AIF1L: variants seen among roughly 807,000 people sequenced by gnomAD.
The protein encoded by AIF1L is allograft inflammatory factor 1-like.
Under a neutral mutation model 20.7 loss-of-function variants are expected in AIF1L, and 12 were observed. That is an observed-to-expected ratio of 0.58 (90% CI 0.37 to 0.94). The LOEUF is 0.94. Ranked by LOEUF, AIF1L falls within the 40% of genes least tolerant of loss-of-function variation. AIF1L has a pLI of 0.01. For synonymous variants in AIF1L, 76 were observed against 65.1 expected (o/e 1.17, Z -0.81); for missense variants, 173 against 185.3 (o/e 0.93, Z 0.39).
intron 2 of AIF1L, among the ~76,000 whole-genome samples, chr9:131,103,658 A>T (rs1830684143): frequency 6.6e-6 from 1 of 152,168 alleles, no homozygotes; most frequent in Non-Finnish European, 1.5e-5. Flanking sequence ...AACAAAACAA[A>T]CAAACAAAAA....
rs1588185155 is a variant in AIF1L, at chr9:131,111,392, G to A, written c.94-205G>A. ...AGTGAACCCTCTGGGGCCTCCCCAA[G>A]CTGCTGGGCAAACTTCCTACCCACA... On this transcript the variant is annotated intron_variant, in intron 2 of 5. Coordinates refer to ENST00000247291, the MANE Select transcript of AIF1L (RefSeq NM_031426.4). The A allele has an allele frequency of 3.8e-5, 22 of 581,458 alleles. No individual in the cohort carries two copies. In the East Asian group the frequency reaches 6.2e-4, roughly 17 times the overall value. The allele number at this position is 581,458 out of a possible 1,614,324, so 36.0% of individuals were successfully genotyped here. A position where few individuals can be genotyped will look rare whatever the true frequency, so the allele number is the denominator to read the frequency against.
At chr9:131,105,836 T>TGC (rs1491029471) in intron 2 of AIF1L, among the ~76,000 whole-genome samples, 18 of 724 alleles carry the variant, frequency 0.025, no homozygotes, top group Non-Finnish European at 0.16. Flanking sequence ...TGTTGTTGCT[T>TGC]TTTTTTTTTT....
chr9:131,111,458 G>A, intron 2 of AIF1L, 139 bp from the exon 3 acceptor site: 1 of 751,454 alleles, frequency 1.3e-6, no homozygotes. Flanking sequence ...GCGACAGGAA[G>A]CCGGGGTGAA....
Position 131,117,934 on chromosome 9 carries a change from C to G in AIF1L, c.365+16C>G, listed in dbSNP as rs905399625. On this transcript the variant is annotated intron_variant, in intron 5 of 5. Coordinates refer to ENST00000247291, the MANE Select transcript of AIF1L (RefSeq NM_031426.4). ...TCCTCAAGTTGTGAGTACCTCCTTC[C>G]TCCCTTGGGATCTCTGAAGGCAAAA... is the stretch of plus-strand genomic sequence containing the variant. 1.9e-6 allele frequency: 3 copies of G among 1,598,720 alleles called. No individual in the cohort carries two copies. Among genetic ancestry groups the G allele is most frequent in the African/African-American group, 1.3e-5 (1 of 74,660 alleles).
Position 131,120,522 on chromosome 9 carries a change from C to T in AIF1L, c.*200C>T. ...GTCGGGGAATCCTGAGCCTTGGGTC[C>T]CCTCCCTCTCTTCTTCCCTCCTTCC... is the stretch of plus-strand genomic sequence containing the variant. On this transcript the variant is annotated 3_prime_UTR_variant, in exon 6 of 6. Coordinates refer to ENST00000247291, the MANE Select transcript of AIF1L (RefSeq NM_031426.4). 7.7e-6 allele frequency: 4 copies of T among 518,216 alleles called. No homozygotes were observed. The highest frequency in any genetic ancestry group is 1.4e-5 in the Non-Finnish European group (4 of 292,942). The allele number at this position is 518,216 out of a possible 1,614,324, so 32.1% of individuals were successfully genotyped here. A position where few individuals can be genotyped will look rare whatever the true frequency, so the allele number is the denominator to read the frequency against.
chr9:131,096,571 C>T lies in AIF1L; in HGVS notation c.-59C>T, dbSNP rs1401381311. 3.4e-6 allele frequency: 5 copies of T among 1,481,008 alleles called. No homozygotes were observed. Among genetic ancestry groups the T allele is most frequent in the Non-Finnish European group, 4.4e-6 (5 of 1,123,852 alleles). 91.7% of individuals were successfully genotyped at this position (1,481,008 alleles called of 1,614,324 possible). On this transcript the variant is annotated 5_prime_UTR_variant, in exon 1 of 6. Coordinates refer to ENST00000247291, the MANE Select transcript of AIF1L (RefSeq NM_031426.4). ...GAGCCCGGACCAGGCGCCTGTGCCT[C>T]CTCCTCGTCCCTCGCCGCGTCCGCG... is the stretch of plus-strand genomic sequence containing the variant.
chr9:131,117,700 C>T (rs1002734258), intron 4 of AIF1L, 56 bp from the exon 5 acceptor site: 7 of 1,510,316 alleles, frequency 4.6e-6, no homozygotes, highest in Admixed American at 4.3e-5. Flanking sequence ...TCCCAGCTTC[C>T]CTGCTAAGCC....
intron 2 of AIF1L, among the ~76,000 whole-genome samples, chr9:131,106,940 A>G (rs1432541537): frequency 5.9e-5 from 9 of 152,028 alleles, no homozygotes; most frequent in African/African-American, 2.2e-4. Flanking sequence ...TACTAAAACA[A>G]AAATTAGCTG....
At chr9:131,096,968 CT>C in intron 2 of AIF1L, 105 bp downstream of exon 2, 1 of 1,271,382 alleles carries the variant, frequency 7.9e-7, no homozygotes, top group Non-Finnish European at 1.0e-6. Context: ...TACCCTCTTC[CT>C]TCCCTTCCCC....
rs1588178226 is a variant in AIF1L, at chr9:131,099,625, G to A, written c.93+2762G>A. Among the ~76,000 whole-genome samples, 3 of 152,348 alleles carry A rather than the reference G, an allele frequency of 2.0e-5. No homozygotes were observed. In the East Asian group the frequency reaches 5.8e-4, roughly 29 times the overall value. On this transcript the variant is annotated intron_variant, in intron 2 of 5. Transcript: ENST00000247291. ...CCTGGGGCACAGCCCAGCTTGGCTG[G>A]CAGATCTAGGGGCTTCTCTGGGCCG...
At chr9:131,106,831 C>T (rs1830762311) in intron 2 of AIF1L, among the ~76,000 whole-genome samples, 1 of 151,978 alleles carries the variant, frequency 6.6e-6, no homozygotes, top group Non-Finnish European at 1.5e-5. Context: ...TGTGGTGGCT[C>T]ACGCCTGTGA....
At chr9:131,114,380 T>G (rs1224366145) in intron 3 of AIF1L, 197 bp from the exon 4 acceptor site, 2 of 588,110 alleles carry the variant, frequency 3.4e-6, no homozygotes, top group Admixed American at 2.6e-5. Flanking sequence ...TCTAGGAGAG[T>G]AGTCCAGGCA....
intron 3 of AIF1L, 90 bp downstream of exon 3, chr9:131,111,753 A>T: frequency 4.6e-6 from 6 of 1,290,444 alleles, no homozygotes; most frequent in Non-Finnish European, 6.7e-6. Context: ...GCCCCACAGG[A>T]CTAGGCTGTG....
intron 3 of AIF1L, chr9:131,114,286 T>G (rs893646840): frequency 9.6e-6 from 4 of 416,436 alleles, no homozygotes; most frequent in African/African-American, 4.0e-5. Flanking sequence ...AGCTGGTCTG[T>G]GCTGCTGGGG....
intron 2 of AIF1L, among the ~76,000 whole-genome samples, chr9:131,104,311 T>C (rs567138066): frequency 3.2e-4 from 48 of 152,224 alleles, no homozygotes; most frequent in African/African-American, 7.0e-4. Flanking sequence ...GTGGGTTAGA[T>C]TGTGTGAGGA....
At chr9:131,119,374 G>A (rs946044723) in intron 5 of AIF1L, among the ~76,000 whole-genome samples, 3 of 152,090 alleles carry the variant, frequency 2.0e-5, no homozygotes, top group African/African-American at 7.2e-5. Context: ...TGTGGCTCAC[G>A]CCTGTAATCC....
At chr9:131,109,565 A>C (rs943255757) in intron 2 of AIF1L, among the ~76,000 whole-genome samples, 1 of 138,240 alleles carries the variant, frequency 7.2e-6, no homozygotes, top group Non-Finnish European at 1.7e-5. Context: ...GTCTCAAAAA[A>C]ACAAAAACAA....
chr9:131,115,961 C>T (rs184343708), intron 4 of AIF1L, among the ~76,000 whole-genome samples: 17 of 136,536 alleles, frequency 1.2e-4, no homozygotes, highest in Non-Finnish European at 1.7e-4. Flanking sequence ...GGGACAAGAG[C>T]AAGACTTCGT....
At chr9:131,108,793 C>T (rs910776447) in intron 2 of AIF1L, among the ~76,000 whole-genome samples, 1 of 152,200 alleles carries the variant, frequency 6.6e-6, no homozygotes, top group African/African-American at 2.4e-5. Flanking sequence ...ATCTGTTGCT[C>T]ATTGAGAGCT....
Sources: allele counts gnomAD v4.1 joint callset (sites outside exome capture counted in the v4.1 genomes callset), GRCh38; gene constraint gnomAD v4.1.1; transcripts MANE v1.5; gene names NCBI Gene and HGNC (gene_info 2026-07-23, HGNC 2026-07-21).